Variants in CAMKMT observed in about 807,000 individuals in gnomAD.
CAMKMT encodes CaM KMT.
A neutral mutation model predicts 48.0 loss-of-function variants in CAMKMT; 53 were observed. That is an observed-to-expected ratio of 1.10 (90% confidence interval 0.89 to 1.39). The LOEUF (loss-of-function observed/expected upper bound fraction) is 1.39, where lower values mean the gene tolerates loss of function less well. CAMKMT is among the 40% of genes most tolerant of loss of function. CAMKMT has a pLI of 0.00. For missense variants in CAMKMT, 428 were observed against 402.7 expected, an observed-to-expected ratio of 1.06 and a Z score of -0.54; for synonymous variants, 165 against 152.3, an observed-to-expected ratio of 1.08 and a Z score of -0.61.
intron 8 of CAMKMT, among the ~76,000 whole-genome samples, chr2:44,750,323 A>G (rs1337970463): frequency 6.6e-6 from 1 of 151,860 alleles, no homozygotes; most frequent in East Asian, 1.9e-4. Context: ...CGCCTGGCTA[A>G]TTTTTGTATT....
chr2:44,581,532 C>A (rs1444642390), intron 3 of CAMKMT, among the ~76,000 whole-genome samples: 1 of 152,132 alleles, frequency 6.6e-6, no homozygotes, highest in Non-Finnish European at 1.5e-5. Context: ...AAAATAAAGA[C>A]CTCAATGTTA....
At chr2:44,666,951 C>G (rs1400234556) in intron 3 of CAMKMT, among the ~76,000 whole-genome samples, 1 of 152,174 alleles carries the variant, frequency 6.6e-6, no homozygotes, top group Non-Finnish European at 1.5e-5. Context: ...GAGAAGTAAC[C>G]AATTTGCCTA....
intron 3 of CAMKMT, chr2:44,400,655 A>C (rs1388704405): frequency 6.6e-6 from 1 of 152,058 alleles, no homozygotes; most frequent in East Asian, 1.9e-4. Flanking sequence ...TTAATCATTA[A>C]TCTTTGGGAA....
intron 3 of CAMKMT, among the ~76,000 whole-genome samples, chr2:44,476,372 C>T (rs547910820): frequency 6.6e-6 from 1 of 152,160 alleles, no homozygotes; most frequent in South Asian, 2.1e-4. Flanking sequence ...TACAGTTTTG[C>T]ATAGTATAAC....
In CAMKMT at chr2:44,772,256, C is replaced by A. The variant is rs111822486; in HGVS notation, c.*143C>A. ...GTGGGCTATGGACTCCACCTGTCCT[C>A]ACCCACGTTATTCCCCAGCTGCCCT... On this transcript the variant is annotated 3_prime_UTR_variant, in exon 11 of 11. Transcript: ENST00000378494. 5 of 624,402 alleles carry A rather than the reference C, an allele frequency of 8.0e-6. No individual in the cohort carries two copies. In the South Asian group the frequency reaches 1.0e-4, roughly 13 times the overall value. 38.7% of individuals were successfully genotyped at this position (624,402 alleles called of 1,614,324 possible).
intron 2 of CAMKMT, among the ~76,000 whole-genome samples, chr2:44,378,771 C>T (rs758080151): frequency 6.6e-6 from 1 of 152,144 alleles, no homozygotes; most frequent in Non-Finnish European, 1.5e-5. Context: ...GTATTACAGG[C>T]GTGAGCCACC....
chr2:44,701,537 A>G (rs758701900), intron 3 of CAMKMT, among the ~76,000 whole-genome samples: 1 of 152,196 alleles, frequency 6.6e-6, no homozygotes, highest in Non-Finnish European at 1.5e-5. Flanking sequence ...GTAACCTCTG[A>G]CCAGATATCC....
chr2:44,406,909 A>G (rs1682820318), intron 3 of CAMKMT, among the ~76,000 whole-genome samples: 1 of 152,160 alleles, frequency 6.6e-6, no homozygotes, highest in Admixed American at 6.5e-5. Context: ...CGCCCAGCCA[A>G]ATTATTTTTT....
In CAMKMT at chr2:44,591,164, G is replaced by A. The variant is rs1385792883; in HGVS notation, c.377-113119G>A. ...CTGTTTTGGTTACTGTAGCCTTGTA[G>A]TATAGTTTGAAGTCAGGTAGTGTGA... On this transcript the variant is annotated intron_variant, in intron 3 of 10. Transcript: ENST00000378494. 1.9e-4 allele frequency among the ~76,000 whole-genome samples: 28 copies of A among 150,086 alleles called. No homozygotes were observed. The East Asian group carries it at 4.5e-3, about 24-fold the overall frequency.
chr2:44,452,411 T>C (rs896944122), intron 3 of CAMKMT, among the ~76,000 whole-genome samples: 1 of 152,028 alleles, frequency 6.6e-6, no homozygotes, highest in African/African-American at 2.4e-5. Context: ...TTTCTTACTG[T>C]CTTCATTCAA....
chr2:44,536,633 C>A (rs534662578), intron 3 of CAMKMT, among the ~76,000 whole-genome samples: 35 of 151,778 alleles, frequency 2.3e-4, no homozygotes, highest in African/African-American at 8.0e-4. Context: ...TGGCCTCCAA[C>A]GTTATTTTTC....
chr2:44,635,491 A>T (rs1673076109), intron 3 of CAMKMT, among the ~76,000 whole-genome samples: 1 of 152,210 alleles, frequency 6.6e-6, no homozygotes, highest in Admixed American at 6.5e-5. Flanking sequence ...TTAAATATAA[A>T]TAGACAAGCT....
chr2:44,372,988 CG>C, intron 2 of CAMKMT, 100 bp downstream of exon 2: 1 of 1,123,122 alleles, frequency 8.9e-7, no homozygotes, highest in Non-Finnish European at 1.3e-6. Context: ...ATTGAGTTTA[CG>C]GGCAATCTTT....
intron 9 of CAMKMT, among the ~76,000 whole-genome samples, chr2:44,761,239 G>A (rs907403137): frequency 6.6e-6 from 1 of 152,152 alleles, no homozygotes; most frequent in Non-Finnish European, 1.5e-5. Context: ...GGAGGTGAGA[G>A]AGGCATTCCA....
Position 44,618,161 on chromosome 2 carries a change from C to T in CAMKMT, c.377-86122C>T, listed in dbSNP as rs997072304. ...TTTTTAATCTTTAATAGGTCACCTT[C>T]CCAAGTGCAAGCAGGCAAGCTGTTA... is the stretch of plus-strand genomic sequence containing the variant. On this transcript the variant is annotated intron_variant, in intron 3 of 10. Transcript: ENST00000378494. The surrounding 1 kb of genome is among the most constrained non-coding windows in gnomAD (Gnocchi z 4.0). 1.3e-5 allele frequency among the ~76,000 whole-genome samples: 2 copies of T among 152,180 alleles called. No homozygotes were observed. The highest frequency in any genetic ancestry group is 4.8e-5 in the African/African-American group (2 of 41,436).
Position 44,452,377 on chromosome 2 carries a change from C to A in CAMKMT, c.376+62072C>A, listed in dbSNP as rs1230601359. On this transcript the variant is annotated intron_variant, in intron 3 of 10. Coordinates refer to ENST00000378494, the MANE Select transcript of CAMKMT (RefSeq NM_024766.5). ...AGAGAATTTTTTCCTTAAATAAATG[C>A]AACCATTGCATTTTGGGGGTGCTTT... Among the ~76,000 whole-genome samples, 3 of 152,064 alleles carry A rather than the reference C, an allele frequency of 2.0e-5. 1 individual carries two copies. The highest frequency in any genetic ancestry group is 4.1e-4 in the South Asian group (2 of 4,826).
At chr2:44,771,472 T>C (rs1681106436) in intron 10 of CAMKMT, among the ~76,000 whole-genome samples, 1 of 152,022 alleles carries the variant, frequency 6.6e-6, no homozygotes, top group African/African-American at 2.4e-5. Flanking sequence ...ACAGGAATGT[T>C]GCTAGTCTAA....
At chr2:44,651,176 T>TA (rs1280703750) in intron 3 of CAMKMT, among the ~76,000 whole-genome samples, 2 of 152,222 alleles carry the variant, frequency 1.3e-5, no homozygotes, top group Non-Finnish European at 2.9e-5. Flanking sequence ...TCTGGGAACT[T>TA]ACCCTAACTA....
At chr2:44,451,626 T>C (rs998291067) in intron 3 of CAMKMT, among the ~76,000 whole-genome samples, 4 of 152,034 alleles carry the variant, frequency 2.6e-5, no homozygotes, top group African/African-American at 9.6e-5. Context: ...AGCAGTTCTT[T>C]ATTCAGTAAA....
Sources: gnomAD v4.1 joint callset for allele counts (sites outside exome capture counted in the v4.1 genomes callset) on GRCh38, gnomAD v4.1.1 for gene constraint, Gnocchi (gnomAD v3.1) non-coding constraint, MANE v1.5 for transcripts, NCBI Gene and HGNC (gene_info 2026-07-23, HGNC 2026-07-21) for gene names.